The following CD81 variants were observed in gnomAD, a reference collection of about 807,000 sequenced individuals.
CD81 encodes the protein CD81 antigen.
Under a neutral mutation model 30.1 loss-of-function variants are expected in CD81, and 10 were observed. That is an observed-to-expected ratio of 0.33 (90% CI 0.21 to 0.56). CD81 has a LOEUF of 0.56. Ranked by LOEUF, CD81 falls within the 20% of genes least tolerant of loss-of-function variation. CD81 has a pLI of 0.89. For synonymous variants in CD81, 147 were observed against 126.4 expected, an observed-to-expected ratio of 1.16 and a Z score of -1.10; for missense variants, 263 against 308.7, an observed-to-expected ratio of 0.85 and a Z score of 1.11.
rs746515946 is a variant in CD81 at position 2,394,121 on chromosome 11, G to A, written c.208G>A (p.Ala70Thr). 1.4e-5 allele frequency: 23 copies of A among 1,613,080 alleles called. No homozygotes were observed. The highest frequency in any genetic ancestry group is 2.2e-5 in the South Asian group (2 of 91,078). ...VGIYILIAVG[A>T]VMMFVGFLGC... ...CATCTACATCCTCATCGCTGTGGGCGCTGTCATGATGTTCGTTGGCTTCCT... is the reference window on the plus strand; with the variant it reads ...CATCTACATCCTCATCGCTGTGGGCACTGTCATGATGTTCGTTGGCTTCCT... The change falls in exon 3 of 8, where the codon GCT (alanine) becomes ACT (threonine). Residue 70 changes from alanine to threonine, a missense_variant. Ala to Thr is a moderately conservative substitution (Grantham distance 58, BLOSUM62 0). Around this residue, in one of 3 missense-constraint regions of CD81, gnomAD observed 84 missense variants for 98.2 expected, o/e 0.86. Transcript: ENST00000263645.
At chr11:2,389,000 C>A (rs1849847291) in intron 1 of CD81, among the ~76,000 whole-genome samples, 1 of 152,168 alleles carries the variant, frequency 6.6e-6, no homozygotes, top group Non-Finnish European at 1.5e-5. Context: ...CTTGTACTGT[C>A]CTCCTGGAGC....
rs1301273301 is a variant in CD81 at position 2,377,879 on chromosome 11, C to T, written c.66+264C>T. On this transcript the variant is annotated intron_variant, in intron 1 of 7. Transcript: ENST00000263645. The surrounding 1 kb of genome is among the most constrained non-coding windows in gnomAD (Gnocchi z 7.7). The stretch of plus-strand genomic sequence containing the variant: ...GCCGGGCCGGGGCTTCTGGGGGCCG[C>T]CGGGCAGTTCCCGCTGTGGTGGTGA... The T allele has an allele frequency of 7.7e-5, 17 of 219,680 alleles. No homozygotes were observed. Among genetic ancestry groups the T allele is most frequent in the Non-Finnish European group, 1.4e-4 (15 of 110,958 alleles). 13.6% of individuals were successfully genotyped at this position (219,680 alleles called of 1,614,324 possible). A position where few individuals can be genotyped will look rare whatever the true frequency, so the allele number is the denominator to read the frequency against.
intron 1 of CD81, chr11:2,379,198 C>G (rs765415056): frequency 6.0e-5 from 27 of 453,364 alleles, no homozygotes; most frequent in Non-Finnish European, 8.9e-6. Flanking sequence ...AGCCCCGTCC[C>G]CTGACGAGGC....
In CD81 at chr11:2,396,714, G is replaced by C; in HGVS notation, c.648G>C (p.Met216Ile). The change falls in exon 7 of 8, where the codon ATG becomes ATC. Residue 216 changes from methionine (M) to isoleucine (I), a missense_variant and splice_region_variant. Coordinates refer to ENST00000263645, the MANE Select transcript of CD81 (RefSeq NM_004356.4). ...GIAAIVVAVIMIFEMILSMVL... is the reference protein window; with the variant it reads ...GIAAIVVAVIIIFEMILSMVL... ...CTGCCATCGTGGTCGCTGTGATCATGGTGAGCGGGCGGGGGCGGAGGGCCT... is the reference window on the plus strand; with the variant it reads ...CTGCCATCGTGGTCGCTGTGATCATCGTGAGCGGGCGGGGGCGGAGGGCCT... 1 of 1,611,672 alleles carries C rather than the reference G, an allele frequency of 6.2e-7. No homozygotes were observed. The highest frequency in any genetic ancestry group is 8.5e-7 in the Non-Finnish European group (1 of 1,179,986).
At chr11:2,390,269 C>A in intron 1 of CD81, 143 bp from the exon 2 acceptor site, 2 of 756,034 alleles carry the variant, frequency 2.6e-6, no homozygotes, top group Non-Finnish European at 2.4e-6. Context: ...CAGGGCATTG[C>A]GAAAACCAGC....
chr11:2,385,027 C>T (rs1360092585), intron 1 of CD81, among the ~76,000 whole-genome samples: 1 of 152,118 alleles, frequency 6.6e-6, no homozygotes, highest in Non-Finnish European at 1.5e-5. Context: ...AAGTGCACTT[C>T]TAAGGACGCG....
At chr11:2,390,936 CG>C (rs1849887388) in intron 2 of CD81, 2 of 126,520 alleles carry the variant, frequency 1.6e-5, no homozygotes, top group Non-Finnish European at 1.5e-5. Context: ...GGGGTGGAGA[CG>C]GGGCAGGGGA....
At chr11:2,395,639 C>T (rs1350575695) in intron 5 of CD81, 119 bp downstream of exon 5, 2 of 848,610 alleles carry the variant, frequency 2.4e-6, no homozygotes, top group East Asian at 2.6e-5. Flanking sequence ...CCCTTGGGAC[C>T]TCCAGGACCC....
chr11:2,395,098 C>G (rs775538797), intron 4 of CD81, 52 bp downstream of exon 4: 10 of 1,479,244 alleles, frequency 6.8e-6, no homozygotes, highest in Admixed American at 3.3e-5. Context: ...GGGCACCCTC[C>G]TCTCCTGTCG....
intron 4 of CD81, 145 bp downstream of exon 4, chr11:2,395,191 G>A (rs1355174590): frequency 2.6e-6 from 2 of 768,812 alleles, no homozygotes; most frequent in Non-Finnish European, 4.5e-6. Context: ...GATCTCCAGG[G>A]GCTTTATGGA....
At chr11:2,394,552 G>C (rs544009696) in intron 3 of CD81, among the ~76,000 whole-genome samples, 1 of 152,188 alleles carries the variant, frequency 6.6e-6, no homozygotes, top group East Asian at 1.9e-4. Flanking sequence ...GCCTATGCCC[G>C]TGTCTCCAGT....
intron 1 of CD81, chr11:2,379,048 G>C (rs1306210474): frequency 2.4e-6 from 1 of 425,028 alleles, no homozygotes; most frequent in Non-Finnish European, 4.8e-6. Context: ...CTGGCAGTGG[G>C]GGCAGCTAGG....
At chr11:2,388,817 T>G (rs1159398881) in intron 1 of CD81, among the ~76,000 whole-genome samples, 2 of 152,098 alleles carry the variant, frequency 1.3e-5, no homozygotes, top group Non-Finnish European at 2.9e-5. Context: ...GGCCTGGCCC[T>G]CCTTGAGAGT....
chr11:2,390,966 GAC>G, intron 2 of CD81: 1 of 292,048 alleles, frequency 3.4e-6, no homozygotes, highest in East Asian at 8.7e-5. Context: ...GAGGGGTGGA[GAC>G]GCCCCAGAGG....
At chr11:2,393,746 C>G in intron 2 of CD81, 1 of 601,362 alleles carries the variant, frequency 1.7e-6, no homozygotes, top group South Asian at 2.0e-5. Context: ...CGGTGGGTGG[C>G]GGGTGGCAGG....
At chr11:2,395,715 T>A in intron 5 of CD81, 154 bp from the exon 6 acceptor site, 1 of 757,016 alleles carries the variant, frequency 1.3e-6, no homozygotes, top group Non-Finnish European at 2.3e-6. Context: ...CGGAAAGCTC[T>A]GAGCAGCGCA....
intron 1 of CD81, among the ~76,000 whole-genome samples, chr11:2,388,375 G>GCC (rs1362292243): frequency 6.6e-6 from 1 of 152,232 alleles, no homozygotes; most frequent in Non-Finnish European, 1.5e-5. Context: ...GGGTCCTCAG[G>GCC]CCGGGGACTT....
intron 1 of CD81, among the ~76,000 whole-genome samples, chr11:2,381,001 C>A (rs995082230): frequency 5.3e-5 from 8 of 152,234 alleles, no homozygotes; most frequent in African/African-American, 1.9e-4. Flanking sequence ...ACATGACTGT[C>A]ATTTGGCACG....
At chr11:2,390,572 G>A (rs1423539977) in intron 2 of CD81, 46 bp downstream of exon 2, 1 of 1,355,008 alleles carries the variant, frequency 7.4e-7, no homozygotes, top group South Asian at 1.2e-5. Context: ...GGGCTTCTAG[G>A]AGGAGGCAGG....
Sources: gnomAD v4.1 joint callset for allele counts (sites outside exome capture counted in the v4.1 genomes callset) on GRCh38, gnomAD v4.1.1 for gene constraint, gnomAD v4.1.1 regional missense constraint, Gnocchi (gnomAD v3.1) non-coding constraint, MANE v1.5 for transcripts, NCBI Gene and HGNC (gene_info 2026-07-23, HGNC 2026-07-21) for gene names.